Variants in TEAD4 observed in about 807,000 individuals in gnomAD.
TEAD4 encodes transcriptional enhancer factor TEF-3.
In TEAD4, 36 loss-of-function variants were observed where a neutral mutation model predicts 52.4. The ratio of observed to expected loss-of-function variants is 0.69; its 90% CI spans 0.53 to 0.91. The LOEUF is 0.91. Ranked by LOEUF, TEAD4 falls within the 40% of genes least tolerant of loss-of-function variation. The pLI is 0.00. For missense variants in TEAD4, 508 were observed against 583.9 expected (o/e 0.87, Z 1.34); for synonymous variants, 220 against 231.0 (o/e 0.95, Z 0.43).
At chr12:3,026,542 A>G (rs2098272227) in intron 10 of TEAD4, among the ~76,000 whole-genome samples, 1 of 152,202 alleles carries the variant, frequency 6.6e-6, no homozygotes, top group Admixed American at 6.5e-5. Flanking sequence ...CCAACCATCA[A>G]AAGAAGCCAG....
At chr12:2,967,473 A>G (rs2098221402) in intron 2 of TEAD4, among the ~76,000 whole-genome samples, 1 of 152,240 alleles carries the variant, frequency 6.6e-6, no homozygotes, top group Admixed American at 6.5e-5. Context: ...TTAGCTTTTA[A>G]AAATTACTTG....
At chr12:3,011,999 G>T (rs540450231) in intron 4 of TEAD4, among the ~76,000 whole-genome samples, 171 bp from the exon 5 acceptor site, 23 of 152,286 alleles carry the variant, frequency 1.5e-4, no homozygotes, top group African/African-American at 5.3e-4. Context: ...CCGGTTTCTG[G>T]ATTAGCTGGG....
intron 5 of TEAD4, among the ~76,000 whole-genome samples, chr12:3,014,954 CG>C (rs1591586941): frequency 6.6e-6 from 1 of 152,310 alleles, no homozygotes; most frequent in East Asian, 1.9e-4. Flanking sequence ...TGCCCTCCTG[CG>C]GGGAGAGGTC....
At position 3,018,732 on chromosome 12, in the gene TEAD4, T is replaced by C. The variant is rs2153957231; in HGVS notation, c.527+144T>C. 27 of 1,003,240 alleles carry C rather than the reference T, an allele frequency of 2.7e-5. No homozygotes were observed. The South Asian group carries it at 3.9e-4, about 15-fold the overall frequency. 62.1% of individuals were successfully genotyped at this position (1,003,240 alleles called of 1,614,324 possible). A position where few individuals can be genotyped will look rare whatever the true frequency, so the allele number is the denominator to read the frequency against. On this transcript the variant is annotated intron_variant, in intron 7 of 12. Coordinates refer to ENST00000359864, the MANE Select transcript of TEAD4 (RefSeq NM_003213.4). ...TTCAGGATGGCTCTGAGCTCAGGGA[T>C]TGGGCTCTTCTACTGTCAGCCATCA...
At chr12:3,017,688 A>T (rs1435240960) in intron 6 of TEAD4, among the ~76,000 whole-genome samples, 162 bp downstream of exon 6, 1 of 152,146 alleles carries the variant, frequency 6.6e-6, no homozygotes, top group African/African-American at 2.4e-5. Context: ...AGGGCCACAC[A>T]CATCCCGGCT....
At position 3,021,881 on chromosome 12, in the gene TEAD4, G is replaced by A; in HGVS notation, c.761G>A (p.Ser254Asn). The change falls in exon 10 of 13, where the codon AGC becomes AAC. Residue 254 changes from serine (S) to asparagine (N), a missense_variant. Coordinates refer to ENST00000359864, the MANE Select transcript of TEAD4 (RefSeq NM_003213.4). ...CTGTTCGTGCACATTGGCCAGTCCA[G>A]CCCAAGCTACAGCGACCCCTACCTC... 1 of 1,614,224 alleles carries A rather than the reference G, an allele frequency of 6.2e-7. No individual in the cohort carries two copies. Among genetic ancestry groups the A allele is most frequent in the Non-Finnish European group, 8.5e-7 (1 of 1,180,046 alleles).
chr12:3,014,595 C>G (rs368286512), intron 5 of TEAD4, among the ~76,000 whole-genome samples: 2 of 152,214 alleles, frequency 1.3e-5, no homozygotes, highest in African/African-American at 2.4e-5. Flanking sequence ...GGCTCTGCCC[C>G]GTGGCCGTGA....
At chr12:2,991,920 G>A (rs901870568) in intron 2 of TEAD4, among the ~76,000 whole-genome samples, 2 of 151,874 alleles carry the variant, frequency 1.3e-5, no homozygotes, top group Non-Finnish European at 2.9e-5. Context: ...GCGACCTTGG[G>A]CGTGTCCTTA....
chr12:3,027,603 G>A (rs2098272823), intron 10 of TEAD4, among the ~76,000 whole-genome samples: 1 of 152,160 alleles, frequency 6.6e-6, no homozygotes, highest in African/African-American at 2.4e-5. Flanking sequence ...GTGATGGCAT[G>A]TGCCAGTAAC....
chr12:2,959,994 G>A lies in TEAD4; in HGVS notation c.-76G>A, dbSNP rs1424697438. The stretch of plus-strand genomic sequence containing the variant: ...AGTTGGCGCTCGGGGCGGACTCCTT[G>A]GAACTGGCTTAGCGCACCCATCCCA... On this transcript the variant is annotated 5_prime_UTR_variant, in exon 2 of 13. Coordinates refer to ENST00000359864, the MANE Select transcript of TEAD4 (RefSeq NM_003213.4). The surrounding 1 kb of genome is among the most constrained non-coding windows in gnomAD (Gnocchi z 5.1). 6.6e-6 allele frequency: 1 copy of A among 152,348 alleles called. No individual in the cohort carries two copies. The highest frequency in any genetic ancestry group is 1.5e-5 in the Non-Finnish European group (1 of 68,132). The allele number at this position is 152,348 out of a possible 1,614,324, so 9.4% of individuals were successfully genotyped here.
At chr12:2,992,710 G>A (rs2098244156) in intron 2 of TEAD4, among the ~76,000 whole-genome samples, 1 of 152,112 alleles carries the variant, frequency 6.6e-6, no homozygotes, top group Non-Finnish European at 1.5e-5. Flanking sequence ...GACGCGGTGA[G>A]GTCCTCCTTT....
At position 3,040,205 on chromosome 12, in the gene TEAD4, C is replaced by T. The variant is rs1453554927; in HGVS notation, c.1137C>T (p.His379=). 1 of 1,614,242 alleles carries T rather than the reference C, an allele frequency of 6.2e-7. No individual in the cohort carries two copies. Among genetic ancestry groups the T allele is most frequent in the Non-Finnish European group, 8.5e-7 (1 of 1,180,048 alleles). The change falls in exon 12 of 13, where the codon CAC becomes CAT. Residue 379 remains histidine, a synonymous_variant. Coordinates refer to ENST00000359864, the MANE Select transcript of TEAD4 (RefSeq NM_003213.4). ...TCAACTTCATCCACAAGCTCAAGCACCTCCCTGAGAAGTACATGATGAACA... is the reference window on the plus strand; with the variant it reads ...TCAACTTCATCCACAAGCTCAAGCATCTCCCTGAGAAGTACATGATGAACA...
At chr12:3,020,913 C>T (rs2098268256) in intron 9 of TEAD4, 140 bp downstream of exon 9, 1 of 897,424 alleles carries the variant, frequency 1.1e-6, no homozygotes, top group Non-Finnish European at 1.5e-6. Context: ...CTGCCCTTCC[C>T]CCCACTCCTC....
At chr12:2,995,113 C>T in intron 3 of TEAD4, 121 bp downstream of exon 3, 1 of 1,278,122 alleles carries the variant, frequency 7.8e-7, no homozygotes, top group African/African-American at 1.5e-5. Context: ...GTCGGGTGGA[C>T]ACTGCTTTCT....
chr12:2,969,308 T>C (rs1405697531), intron 2 of TEAD4, among the ~76,000 whole-genome samples: 2 of 152,190 alleles, frequency 1.3e-5, no homozygotes, highest in African/African-American at 4.8e-5. Flanking sequence ...TCTCTAGAAA[T>C]GATTTAAAGC....
chr12:2,979,206 G>A (rs898839452), intron 2 of TEAD4, among the ~76,000 whole-genome samples: 5 of 152,110 alleles, frequency 3.3e-5, no homozygotes, highest in Admixed American at 1.3e-4. Flanking sequence ...GTGAGCCACC[G>A]CGCCCGGTCT....
intron 5 of TEAD4, among the ~76,000 whole-genome samples, chr12:3,014,300 C>T (rs571341890): frequency 6.6e-6 from 1 of 152,342 alleles, no homozygotes; most frequent in Admixed American, 6.5e-5. Flanking sequence ...CCCTTGGGGG[C>T]CGGCTGTGTG....
chr12:2,976,614 G>A (rs965390021), intron 2 of TEAD4, among the ~76,000 whole-genome samples: 3 of 152,248 alleles, frequency 2.0e-5, no homozygotes, highest in East Asian at 1.9e-4. Context: ...CCCACTTCCT[G>A]CATGTGTTGG....
chr12:2,964,215 G>A (rs1024516992), intron 2 of TEAD4, among the ~76,000 whole-genome samples: 3 of 152,282 alleles, frequency 2.0e-5, no homozygotes, highest in Admixed American at 1.3e-4. Context: ...GCCAGCCTCC[G>A]CTCGTGCCAC....
Sources: gnomAD v4.1 joint callset for allele counts (sites outside exome capture counted in the v4.1 genomes callset) on GRCh38, gnomAD v4.1.1 for gene constraint, Gnocchi (gnomAD v3.1) non-coding constraint, MANE v1.5 for transcripts, NCBI Gene and HGNC (gene_info 2026-07-23, HGNC 2026-07-21) for gene names.